ITGB2: variants seen among roughly 807,000 people sequenced by gnomAD.
The protein encoded by ITGB2 is integrin subunit beta 2.
In ITGB2, 56 loss-of-function variants were observed where a neutral mutation model predicts 86.8. The ratio of observed to expected loss-of-function variants is 0.65; its 90% CI spans 0.52 to 0.81. The LOEUF is 0.81. ITGB2 is among the 30% of genes least tolerant of loss of function. The pLI is 0.00. For missense variants in ITGB2, 948 were observed against 1,061.2 expected (o/e 0.89, Z 1.48); for synonymous variants, 457 against 450.4 (o/e 1.01, Z -0.19).
intron 8 of ITGB2, among the ~76,000 whole-genome samples, chr21:44,896,928 G>T (rs1237424372): frequency 4.6e-5 from 7 of 152,216 alleles, no homozygotes; most frequent in Non-Finnish European, 8.8e-5. Flanking sequence ...AAAGGATTGG[G>T]ACCTGCTACT....
chr21:44,915,732 C>T (rs963502529), intron 1 of ITGB2, among the ~76,000 whole-genome samples: 7 of 152,158 alleles, frequency 4.6e-5, no homozygotes, highest in African/African-American at 7.2e-5. Flanking sequence ...ATCACAGAGG[C>T]TCCAGGAAAT....
chr21:44,922,807 A>T (rs977146244), upstream of ITGB2: 1 of 152,220 alleles, frequency 6.6e-6, no homozygotes, highest in Non-Finnish European at 1.5e-5. Context: ...AATGGGTTAC[A>T]TTTTCTTGTT....
chr21:44,907,629 A>C (rs73906940), intron 3 of ITGB2, among the ~76,000 whole-genome samples: 3 of 152,240 alleles, frequency 2.0e-5, no homozygotes, highest in Non-Finnish European at 4.4e-5. Flanking sequence ...TGTCCCTGCA[A>C]ATCCCCTGGA....
At chr21:44,906,523 AAC>A (rs2084045055) in intron 4 of ITGB2, among the ~76,000 whole-genome samples, 1 of 152,156 alleles carries the variant, frequency 6.6e-6, no homozygotes. Flanking sequence ...CACTGGTTTA[AAC>A]AGTTACTTAG....
At chr21:44,925,773 C>T (rs1437738020), upstream of ITGB2, among the ~76,000 whole-genome samples, 8 of 152,126 alleles carry the variant, frequency 5.3e-5, no homozygotes, top group South Asian at 2.1e-4. Flanking sequence ...AATGATCACA[C>T]GGAGCATTAA....
intron 5 of ITGB2, among the ~76,000 whole-genome samples, chr21:44,902,086 A>G (rs902062641): frequency 1.3e-5 from 2 of 152,246 alleles, no homozygotes; most frequent in African/African-American, 4.8e-5. Context: ...ATGAGTGTGT[A>G]CATGCGTAGC....
rs748182004 is a variant in ITGB2, at chr21:44,910,738, G to T, written c.45C>A (p.Leu15=). 1.9e-5 allele frequency: 30 copies of T among 1,614,026 alleles called. 1 individual carries two copies. In the East Asian group the frequency reaches 6.5e-4, roughly 35 times the overall value. ...RPPLLALVGL[L]SLGCVLSQEC... is the part of the protein sequence containing the mutation. ...CACAGAACTCACCGCACCCGAGGGAGAGCAGCCCCACCAGGGCGAGCAGTG... is the reference window on the plus strand; with the variant it reads ...CACAGAACTCACCGCACCCGAGGGATAGCAGCCCCACCAGGGCGAGCAGTG... Residue 15 remains leucine, a synonymous_variant, in exon 2 of 16, where the codon CTC becomes CTA. Transcript: ENST00000652462.
intron 6 of ITGB2, 148 bp downstream of exon 6, chr21:44,901,344 G>C: frequency 1.0e-6 from 1 of 979,584 alleles, no homozygotes; most frequent in African/African-American, 1.6e-5. Context: ...ATGGGCAGCA[G>C]CAGGGTGAGG....
At chr21:44,903,722 G>A (rs529840151) in intron 4 of ITGB2, among the ~76,000 whole-genome samples, 187 bp from the exon 5 acceptor site, 1 of 152,194 alleles carries the variant, frequency 6.6e-6, no homozygotes, top group South Asian at 2.1e-4. Flanking sequence ...GCAGGCTGGA[G>A]TTTCAGAGGA....
At chr21:44,899,914 A>C (rs1345949021) in intron 7 of ITGB2, among the ~76,000 whole-genome samples, 2 of 152,058 alleles carry the variant, frequency 1.3e-5, no homozygotes, top group Non-Finnish European at 2.9e-5. Flanking sequence ...GCAGCAGGGA[A>C]CGTACAGTGG....
rs557812091 is a variant in ITGB2, at chr21:44,903,223, G to A, written c.499+142C>T. On this transcript the variant is annotated intron_variant, in intron 5 of 15. Coordinates refer to ENST00000652462, the MANE Select transcript of ITGB2 (RefSeq NM_000211.5). ...AGGGAGGCAGGCCGACTGCAGCCCT[G>A]TGGATGCCCTGGGGGGACCTGCATC... 143 of 921,916 alleles carry A rather than the reference G, an allele frequency of 1.6e-4. No homozygotes were observed. The South Asian group carries it at 1.8e-3, about 12-fold the overall frequency. The allele number at this position is 921,916 out of a possible 1,614,324, so 57.1% of individuals were successfully genotyped here. A position where few individuals can be genotyped will look rare whatever the true frequency, so the allele number is the denominator to read the frequency against.
rs2083763856 is a variant in ITGB2 at position 44,890,057 on chromosome 21, G to T, written c.1578C>A (p.Gly526=). The T allele has an allele frequency of 6.2e-7, 1 of 1,613,522 alleles. No homozygotes were observed. The highest frequency in any genetic ancestry group is 8.5e-7 in the Non-Finnish European group (1 of 1,180,030). ...QCLCHTSDVP[G]KLIYGQYCEC... ...CGCAGTACTGCCCGTATATCAGCTT[G>T]CCGGGGACGTCGCTGGTGTGGCACA... The change falls in exon 12 of 16, where the codon GGC becomes GGA. Residue 526 remains glycine, a synonymous_variant. Transcript: ENST00000652462.
rs368194398 is a variant in ITGB2, at chr21:44,891,802, G to T, written c.1412+7C>A. 1 of 1,602,646 alleles carries T rather than the reference G, an allele frequency of 6.2e-7. No individual in the cohort carries two copies. Among genetic ancestry groups the T allele is most frequent in the Non-Finnish European group, 8.5e-7 (1 of 1,179,870 alleles). ...GATGGTTCAACAGGGACCTGCGCCC[G>T]CCTCACCTGCAGATGCCGCACTCCA... On this transcript the variant is annotated splice_region_variant and intron_variant, in intron 11 of 15. Transcript: ENST00000652462.
chr21:44,895,221 G>A (rs1214992642), intron 8 of ITGB2, among the ~76,000 whole-genome samples, 161 bp from the exon 9 acceptor site: 3 of 152,126 alleles, frequency 2.0e-5, no homozygotes, highest in Admixed American at 2.0e-4. Flanking sequence ...AGTGATGTGT[G>A]GTAAGAGGTT....
upstream of ITGB2, among the ~76,000 whole-genome samples, chr21:44,924,150 C>T (rs189503597): frequency 6.6e-6 from 1 of 152,168 alleles, no homozygotes; most frequent in African/African-American, 2.4e-5. Flanking sequence ...ACACATCAGG[C>T]CAGTCGCGGT....
At chr21:44,889,767 G>A (rs1452307104) in intron 12 of ITGB2, among the ~76,000 whole-genome samples, 3 of 152,188 alleles carry the variant, frequency 2.0e-5, no homozygotes, top group Non-Finnish European at 4.4e-5. Context: ...CCACAAGGAC[G>A]CCTTGTCCTC....
At chr21:44,910,960 G>T in intron 1 of ITGB2, 175 bp from the exon 2 acceptor site, 2 of 642,016 alleles carry the variant, frequency 3.1e-6, no homozygotes, top group Non-Finnish European at 5.5e-6. Context: ...CAACAGCCAG[G>T]GAGGGAGGGA....
intron 14 of ITGB2, among the ~76,000 whole-genome samples, chr21:44,887,598 GC>G (rs1250800196): frequency 6.6e-6 from 1 of 151,358 alleles, no homozygotes; most frequent in Non-Finnish European, 1.5e-5. Flanking sequence ...CACTCCCTGT[GC>G]CCCCTCCTGC....
intron 2 of ITGB2, 166 bp downstream of exon 2, chr21:44,910,559 T>C: frequency 7.1e-7 from 1 of 1,402,632 alleles, no homozygotes; most frequent in Non-Finnish European, 9.9e-7. Context: ...AGCTACAGCC[T>C]CCTGGCACGT....
Sources: allele counts gnomAD v4.1 joint callset (sites outside exome capture counted in the v4.1 genomes callset), GRCh38; gene constraint gnomAD v4.1.1; transcripts MANE v1.5; gene names NCBI Gene and HGNC (gene_info 2026-07-23, HGNC 2026-07-21).